KCNT2: variants seen among roughly 807,000 people sequenced by gnomAD.
The protein encoded by KCNT2 is potassium channel subfamily T member 2.
KCNT2 carries 67 observed loss-of-function variants against 153.8 expected under a neutral mutation model. The ratio of observed to expected loss-of-function variants is 0.44; its 90% confidence interval spans 0.36 to 0.53. The LOEUF (loss-of-function observed/expected upper bound fraction) is 0.53, where lower values mean the gene tolerates loss of function less well. KCNT2 is among the 20% of genes least tolerant of loss of function. The probability of loss-of-function intolerance (pLI) is 0.00; values close to 1 mark genes in which losing one functional copy is unlikely to be tolerated. For synonymous variants in KCNT2, 500 were observed against 458.8 expected (o/e 1.09, Z -1.15); for missense variants, 975 against 1,354.8 (o/e 0.72, Z 4.40).
intron 1 of KCNT2, among the ~76,000 whole-genome samples, chr1:196,506,352 A>T (rs928370353): frequency 6.6e-6 from 1 of 152,186 alleles, no homozygotes; most frequent in Admixed American, 6.6e-5. Context: ...ACGTTCCTAA[A>T]ATAAACGTAT....
intron 1 of KCNT2, among the ~76,000 whole-genome samples, chr1:196,550,980 A>T (rs1321349791): frequency 6.6e-6 from 1 of 151,864 alleles, no homozygotes. Context: ...TATTTGCAGA[A>T]TTTGTGCCAG....
At chr1:196,419,411 C>T (rs1673016839) in intron 12 of KCNT2, among the ~76,000 whole-genome samples, 1 of 143,394 alleles carries the variant, frequency 7.0e-6, no homozygotes, top group Admixed American at 7.4e-5. Context: ...TCAATTCTCA[C>T]CTATGAGTAA....
At chr1:196,314,166 T>C (rs1002385723) in intron 21 of KCNT2, among the ~76,000 whole-genome samples, 3 of 151,580 alleles carry the variant, frequency 2.0e-5, no homozygotes, top group Non-Finnish European at 4.4e-5. Context: ...AGAGAATATA[T>C]AATAAAAGTT....
chr1:196,568,696 T>C (rs1660414194), intron 1 of KCNT2, among the ~76,000 whole-genome samples: 1 of 151,712 alleles, frequency 6.6e-6, no homozygotes, highest in Non-Finnish European at 1.5e-5. Flanking sequence ...CCTCCTGCTG[T>C]GTGGCGCTGT....
intron 1 of KCNT2, among the ~76,000 whole-genome samples, chr1:196,581,485 C>A (rs540460648): frequency 1.3e-5 from 2 of 151,802 alleles, no homozygotes; most frequent in Non-Finnish European, 2.9e-5. Context: ...TGAATGCCAC[C>A]GGGTGAATAT....
chr1:196,366,036 T>A (rs1668007805), intron 14 of KCNT2, among the ~76,000 whole-genome samples: 1 of 152,218 alleles, frequency 6.6e-6, no homozygotes, highest in Admixed American at 6.5e-5. Flanking sequence ...ATTCTTATAA[T>A]GGCCTAGGAG....
intron 25 of KCNT2, among the ~76,000 whole-genome samples, chr1:196,270,282 C>T (rs1349948458): frequency 1.3e-5 from 2 of 151,888 alleles, no homozygotes; most frequent in Non-Finnish European, 2.9e-5. Context: ...CAAATCAAGA[C>T]TGATTTCATT....
intron 1 of KCNT2, among the ~76,000 whole-genome samples, chr1:196,543,014 G>C (rs1450641530): frequency 6.6e-6 from 1 of 152,068 alleles, no homozygotes; most frequent in Non-Finnish European, 1.5e-5. Context: ...TCAGAGTAGT[G>C]TTAGCAACAT....
Position 196,608,300 on chromosome 1 carries a change from A to C in KCNT2, c.10T>G (p.Leu4Val). The stretch of plus-strand genomic sequence containing the variant: ...GGCAGAGGGGGCACTTCGCTCTCCA[A>C]ATCAACCATCCTTCCTCAAAGAGTG... MVD[L>V]ESEVPPLPPR... The change falls in exon 1 of 28, where the codon TTG (leucine) becomes GTG (valine). Residue 4 changes from leucine to valine, a missense_variant. By Grantham distance (32) the Leu-to-Val change is conservative (BLOSUM62 1). Around this residue, in one of 6 missense-constraint regions of KCNT2, gnomAD observed 140 missense variants for 216.0 expected, o/e 0.65. Transcript: ENST00000294725. 2 of 1,613,602 alleles carry C rather than the reference A, an allele frequency of 1.2e-6. No individual in the cohort carries two copies. Among genetic ancestry groups the C allele is most frequent in the Non-Finnish European group, 1.7e-6 (2 of 1,179,516 alleles).
At chr1:196,578,103 A>G (rs575060112) in intron 1 of KCNT2, among the ~76,000 whole-genome samples, 7 of 152,274 alleles carry the variant, frequency 4.6e-5, no homozygotes, top group African/African-American at 1.7e-4. Context: ...GATATAGTAC[A>G]GTGCTCAAAG....
intron 22 of KCNT2, among the ~76,000 whole-genome samples, chr1:196,303,342 T>C (rs1352204529): frequency 1.3e-5 from 2 of 152,254 alleles, no homozygotes; most frequent in African/African-American, 4.8e-5. Flanking sequence ...GCAAAAATAT[T>C]AAGTTTTATT....
intron 25 of KCNT2, among the ~76,000 whole-genome samples, chr1:196,269,315 T>C (rs1457644190): frequency 6.6e-6 from 1 of 152,124 alleles, no homozygotes; most frequent in African/African-American, 2.4e-5. Flanking sequence ...GTATGGACTA[T>C]AGTGGCCCAA....
intron 8 of KCNT2, among the ~76,000 whole-genome samples, chr1:196,435,682 G>A (rs879736047): frequency 1.3e-5 from 2 of 151,598 alleles, no homozygotes; most frequent in Non-Finnish European, 3.0e-5. Context: ...CTAATACAAA[G>A]TTCAGTCAAT....
At chr1:196,249,400 GA>G (rs1348658796) in intron 26 of KCNT2, among the ~76,000 whole-genome samples, 1 of 152,114 alleles carries the variant, frequency 6.6e-6, no homozygotes, top group Non-Finnish European at 1.5e-5. Flanking sequence ...CTTCTATTTG[GA>G]AAAACCTAAG....
chr1:196,604,442 T>G (rs987989776), intron 1 of KCNT2, among the ~76,000 whole-genome samples: 1 of 152,176 alleles, frequency 6.6e-6, no homozygotes, highest in Non-Finnish European at 1.5e-5. Flanking sequence ...TAGATTTTTG[T>G]TTTTTGCTCA....
chr1:196,564,250 T>C (rs1406740661), intron 1 of KCNT2, among the ~76,000 whole-genome samples: 2 of 151,606 alleles, frequency 1.3e-5, no homozygotes, highest in African/African-American at 2.4e-5. Context: ...AAATTCTTAA[T>C]CCTGTTTATA....
chr1:196,496,478 A>AG (rs1680268284), intron 1 of KCNT2, among the ~76,000 whole-genome samples: 1 of 152,064 alleles, frequency 6.6e-6, no homozygotes, highest in Admixed American at 6.5e-5. Context: ...AAAAAAAAAA[A>AG]AAAAAGAAAT....
chr1:196,529,953 T>C, intron 1 of KCNT2, among the ~76,000 whole-genome samples: 1 of 152,014 alleles, frequency 6.6e-6, no homozygotes, highest in Non-Finnish European at 1.5e-5. Flanking sequence ...CATGAAATGG[T>C]GATCATGTCT....
chr1:196,317,570 A>G (rs1572017503), intron 20 of KCNT2, among the ~76,000 whole-genome samples: 1 of 151,808 alleles, frequency 6.6e-6, no homozygotes, highest in Admixed American at 6.6e-5. Flanking sequence ...AGCTTTCACA[A>G]TCTTTTTTCT....
Sources: gnomAD v4.1 joint callset for allele counts (sites outside exome capture counted in the v4.1 genomes callset) on GRCh38, gnomAD v4.1.1 for gene constraint, gnomAD v4.1.1 regional missense constraint, MANE v1.5 for transcripts, NCBI Gene and HGNC (gene_info 2026-07-23, HGNC 2026-07-21) for gene names.